RTN1: variants seen among roughly 807,000 people sequenced by gnomAD.
The protein encoded by RTN1 is reticulon-1.
A neutral mutation model predicts 65.5 loss-of-function variants in RTN1; 25 were observed. The observed-to-expected ratio is 0.38, with a 90% CI of 0.28 to 0.53. RTN1 has a LOEUF of 0.53. RTN1 is among the 20% of genes least tolerant of loss of function. The probability of loss-of-function intolerance (pLI) is 0.79; values close to 1 mark genes in which losing one functional copy is unlikely to be tolerated. For missense variants in RTN1, 983 were observed against 1,025.4 expected (o/e 0.96, Z 0.57); for synonymous variants, 471 against 447.6 (o/e 1.05, Z -0.66).
chr14:59,658,203 A>C (rs1950775), intron 3 of RTN1, among the ~76,000 whole-genome samples: 121,695 of 152,194 alleles, frequency 0.8, 48,747 homozygotes, highest in Admixed American at 0.86. Context: ...TCTCTAGATT[A>C]CTCCTCTCTG....
rs1887024462 is a variant in RTN1, at chr14:59,825,996, C to T, written c.241+44394G>A. Among the ~76,000 whole-genome samples, 1 of 152,112 alleles carries T rather than the reference C, an allele frequency of 6.6e-6. No homozygotes were observed. The highest frequency in any genetic ancestry group is 2.1e-4 in the South Asian group (1 of 4,832). ...CCTATTTGCACTTGTGTGTTTTGCA[C>T]TATTAAATATATCATAGAATACTTA... On this transcript the variant is annotated intron_variant, in intron 1 of 8. Coordinates refer to ENST00000267484, the MANE Select transcript of RTN1 (RefSeq NM_021136.3). This position sits in a 1 kb window ranked among gnomAD's most constrained non-coding sequence, Gnocchi z 4.2.
intron 1 of RTN1, among the ~76,000 whole-genome samples, chr14:59,772,363 C>T (rs1477485842): frequency 1.3e-5 from 2 of 151,528 alleles, no homozygotes; most frequent in Non-Finnish European, 2.9e-5. Context: ...AATTATATTC[C>T]AATTCCATTG....
intron 1 of RTN1, among the ~76,000 whole-genome samples, chr14:59,810,396 G>A (rs1886707992): frequency 1.3e-5 from 2 of 152,170 alleles, no homozygotes; most frequent in African/African-American, 2.4e-5. Flanking sequence ...AGACACTGAT[G>A]CAAACATGAA....
chr14:59,665,420 T>C (rs1024335407), intron 3 of RTN1, among the ~76,000 whole-genome samples: 1 of 152,092 alleles, frequency 6.6e-6, no homozygotes, highest in Non-Finnish European at 1.5e-5. Context: ...CAGGCCTGCC[T>C]TACAAGAGCT....
intron 1 of RTN1, among the ~76,000 whole-genome samples, chr14:59,820,285 A>C (rs765285413): frequency 4.2e-5 from 6 of 142,530 alleles, no homozygotes; most frequent in Non-Finnish European, 9.1e-5. Flanking sequence ...GAGATTCTGG[A>C]TATTAGACCT....
At chr14:59,775,327 T>C (rs918135615) in intron 1 of RTN1, among the ~76,000 whole-genome samples, 1 of 152,202 alleles carries the variant, frequency 6.6e-6, no homozygotes, top group Non-Finnish European at 1.5e-5. Context: ...TTCTAGACTT[T>C]ATGTGAGAGT....
intron 3 of RTN1, among the ~76,000 whole-genome samples, chr14:59,650,957 G>A (rs1883007782): frequency 6.6e-6 from 1 of 152,014 alleles, no homozygotes; most frequent in African/African-American, 2.4e-5. Context: ...GATCACCCGA[G>A]GTCATGAGTT....
At chr14:59,847,020 G>A (rs1887423038) in intron 1 of RTN1, among the ~76,000 whole-genome samples, 1 of 152,198 alleles carries the variant, frequency 6.6e-6, no homozygotes, top group Non-Finnish European at 1.5e-5. Flanking sequence ...ACAGTTTTAA[G>A]TGGTGCTGTC....
At chr14:59,730,601 T>C (rs1884877551) in intron 2 of RTN1, among the ~76,000 whole-genome samples, 1 of 152,218 alleles carries the variant, frequency 6.6e-6, no homozygotes. Context: ...TTGCAAATCA[T>C]ATATCTGATA....
intron 4 of RTN1, among the ~76,000 whole-genome samples, chr14:59,606,678 A>T (rs146637327): frequency 1.5e-3 from 222 of 152,308 alleles, no homozygotes; most frequent in African/African-American, 5.2e-3. Context: ...CCTCTGCCAC[A>T]TGTCATATAT....
chr14:59,606,504 C>G (rs1881759140), intron 4 of RTN1, among the ~76,000 whole-genome samples: 1 of 152,116 alleles, frequency 6.6e-6, no homozygotes, highest in African/African-American at 2.4e-5. Flanking sequence ...CTCCGTCCCA[C>G]AGTGAAAGTG....
At chr14:59,612,702 C>T (rs551410800) in intron 3 of RTN1, among the ~76,000 whole-genome samples, 2 of 152,268 alleles carry the variant, frequency 1.3e-5, no homozygotes, top group African/African-American at 4.8e-5. Context: ...TATAAAATTT[C>T]TGTCTTGTTT....
At chr14:59,812,411 A>G (rs1370362536) in intron 1 of RTN1, among the ~76,000 whole-genome samples, 2 of 152,200 alleles carry the variant, frequency 1.3e-5, no homozygotes, top group East Asian at 3.8e-4. Flanking sequence ...CTGTACCTTG[A>G]AAAAGGTCTG....
intron 3 of RTN1, among the ~76,000 whole-genome samples, chr14:59,691,140 C>G (rs1477259446): frequency 6.6e-6 from 1 of 151,912 alleles, no homozygotes; most frequent in East Asian, 1.9e-4. Flanking sequence ...CCTAACAAAC[C>G]CAAAAGTTGG....
At chr14:59,651,173 G>T (rs1302995856) in intron 3 of RTN1, among the ~76,000 whole-genome samples, 1 of 151,978 alleles carries the variant, frequency 6.6e-6, no homozygotes, top group Admixed American at 6.6e-5. Flanking sequence ...GCATGGTCCT[G>T]GTACAAAAAC....
At chr14:59,691,673 C>A (rs1478891967) in intron 3 of RTN1, among the ~76,000 whole-genome samples, 1 of 152,018 alleles carries the variant, frequency 6.6e-6, no homozygotes, top group African/African-American at 2.4e-5. Context: ...AACATAGATG[C>A]AAAAATCCTC....
At chr14:59,769,853 G>A (rs34006462) in intron 1 of RTN1, among the ~76,000 whole-genome samples, 43,696 of 151,922 alleles carry the variant, frequency 0.29, 7,305 homozygotes, top group Admixed American at 0.41. Context: ...ACAAGTGAGG[G>A]AGTGTCTTTT....
chr14:59,625,842 G>T (rs935350351), intron 3 of RTN1, among the ~76,000 whole-genome samples: 4 of 152,034 alleles, frequency 2.6e-5, no homozygotes, highest in Non-Finnish European at 4.4e-5. Context: ...TTTTGAAAAA[G>T]AACTTTATTT....
chr14:59,821,788 T>C (rs1012936359), intron 1 of RTN1, among the ~76,000 whole-genome samples: 1 of 152,242 alleles, frequency 6.6e-6, no homozygotes, highest in Non-Finnish European at 1.5e-5. Context: ...CTTTTCTTTT[T>C]AGTTCTGTTT....
Sources: allele counts gnomAD v4.1 joint callset (sites outside exome capture counted in the v4.1 genomes callset), GRCh38; gene constraint gnomAD v4.1.1; non-coding constraint Gnocchi (gnomAD v3.1); transcripts MANE v1.5; gene names NCBI Gene and HGNC (gene_info 2026-07-23, HGNC 2026-07-21).